Variants in FBXL4 observed in about 807,000 individuals in gnomAD.
FBXL4 encodes the protein F-box/LRR-repeat protein 4.
Under a neutral mutation model 58.9 loss-of-function variants are expected in FBXL4, and 40 were observed. The observed-to-expected ratio is 0.68, with a 90% CI of 0.53 to 0.88. The LOEUF (loss-of-function observed/expected upper bound fraction) is 0.88. Among genes scored for constraint, FBXL4 ranks in the 40% least tolerant of loss-of-function variants. The pLI is 0.00. For missense variants in FBXL4, 676 were observed against 734.4 expected (o/e 0.92, Z 0.92); for synonymous variants, 263 against 265.5 (o/e 0.99, Z 0.09).
chr6:98,901,354 G>C (rs1345191436), intron 6 of FBXL4, among the ~76,000 whole-genome samples: 3 of 151,996 alleles, frequency 2.0e-5, no homozygotes, highest in Non-Finnish European at 2.9e-5. Context: ...GAAGAACAGT[G>C]AGACGGGGGA....
At chr6:98,934,720 TC>T (rs1014487730) in intron 2 of FBXL4, 41 bp downstream of exon 2, 77 of 152,278 alleles carry the variant, frequency 5.1e-4, no homozygotes, top group African/African-American at 1.7e-3. Flanking sequence ...TATTTTTTAA[TC>T]AGTAAGGCCC....
At chr6:98,935,649 C>T (rs567076095) in intron 1 of FBXL4, among the ~76,000 whole-genome samples, 14 of 150,986 alleles carry the variant, frequency 9.3e-5, no homozygotes, top group East Asian at 7.8e-4. Flanking sequence ...ATTAGCCGGG[C>T]GCGGTGGCGG....
At position 98,932,044 on chromosome 6, in the gene FBXL4, T is replaced by C. The variant is rs547239462; in HGVS notation, c.-191+2718A>G. On this transcript the variant is annotated intron_variant, in intron 2 of 9. Coordinates refer to ENST00000369244, the MANE Select transcript of FBXL4 (RefSeq NM_001278716.2). The stretch of plus-strand genomic sequence containing the variant: ...CAAAGATAAAATTATTTTTCCCACC[T>C]GGTGCAAATAAATAAATATTAGTCA... 7.0e-4 allele frequency among the ~76,000 whole-genome samples: 107 copies of C among 152,238 alleles called. 3 individuals carry two copies. The highest frequency in any genetic ancestry group is 5.7e-4 in the Non-Finnish European group (39 of 68,044).
intron 5 of FBXL4, among the ~76,000 whole-genome samples, chr6:98,909,479 T>C (rs771039060): frequency 6.6e-6 from 1 of 152,210 alleles, no homozygotes; most frequent in South Asian, 2.1e-4. Flanking sequence ...TTGTACCTTC[T>C]CTTCCCTTTG....
At chr6:98,889,385 GACT>G (rs1012431060) in intron 7 of FBXL4, among the ~76,000 whole-genome samples, 4 of 152,004 alleles carry the variant, frequency 2.6e-5, no homozygotes, top group Admixed American at 6.6e-5. Context: ...CAAATACTCA[GACT>G]ACTACAATGA....
chr6:98,868,809 T>C lies in FBXL4; in HGVS notation c.*5469A>G, dbSNP rs1162201277. On this transcript the variant is annotated 3_prime_UTR_variant, in exon 10 of 10. Transcript: ENST00000369244. ...CCAAATACATAGATTAAAATATCCC[T>C]AAATGTCAATTTTAGCAGGACTACC... 1.3e-5 allele frequency: 2 copies of C among 152,218 alleles called. No individual in the cohort carries two copies. The highest frequency in any genetic ancestry group is 4.8e-5 in the African/African-American group (2 of 41,458). 9.4% of individuals were successfully genotyped at this position (152,218 alleles called of 1,614,324 possible). A position where few individuals can be genotyped will look rare whatever the true frequency, so the allele number is the denominator to read the frequency against.
rs1003173949 is a variant in FBXL4 at position 98,944,184 on chromosome 6, T to G, written c.-309+3622A>C. On this transcript the variant is annotated intron_variant, in intron 1 of 9. Coordinates refer to ENST00000369244, the MANE Select transcript of FBXL4 (RefSeq NM_001278716.2). ...TGTACAAAGAGTATTTTAATAATCT[T>G]CCGGTGGAAACCCAGAGGCCGTAAA... 2.0e-5 allele frequency among the ~76,000 whole-genome samples: 3 copies of G among 152,206 alleles called. 1 individual carries two copies. Among genetic ancestry groups the G allele is most frequent in the Non-Finnish European group, 4.4e-5 (3 of 68,042 alleles).
rs757547669 is a variant in FBXL4, at chr6:98,870,534, ACTG to A, written c.*3741_*3743del. 2.0e-5 allele frequency: 3 copies of A among 152,196 alleles called. No individual in the cohort carries two copies. The highest frequency in any genetic ancestry group is 1.9e-4 in the East Asian group (1 of 5,192). The allele number at this position is 152,196 out of a possible 1,614,324, so 9.4% of individuals were successfully genotyped here. On this transcript the variant is annotated 3_prime_UTR_variant, in exon 10 of 10. Coordinates refer to ENST00000369244, the MANE Select transcript of FBXL4 (RefSeq NM_001278716.2). ...TTATGTGGTGCTGTCATCATTTTGCACTGCTACTTGGCACACTAAAAACTGCAG... is the reference window on the plus strand; with the variant it reads ...TTATGTGGTGCTGTCATCATTTTGCACTACTTGGCACACTAAAAACTGCAG...
At chr6:98,941,513 T>C (rs1283109775) in intron 1 of FBXL4, among the ~76,000 whole-genome samples, 1 of 152,174 alleles carries the variant, frequency 6.6e-6, no homozygotes, top group Admixed American at 6.5e-5. Context: ...CAAGTCAAGC[T>C]GTAAATCCGA....
intron 1 of FBXL4, among the ~76,000 whole-genome samples, chr6:98,943,357 G>C (rs549873802): frequency 2.6e-5 from 4 of 151,740 alleles, no homozygotes; most frequent in African/African-American, 9.7e-5. Context: ...TGGATCACTT[G>C]AGCCCAGGAG....
intron 1 of FBXL4, among the ~76,000 whole-genome samples, chr6:98,940,110 A>G (rs975478603): frequency 2.0e-5 from 3 of 152,192 alleles, no homozygotes; most frequent in Non-Finnish European, 4.4e-5. Flanking sequence ...AATTTTTTAT[A>G]ATATATATGT....
intron 7 of FBXL4, among the ~76,000 whole-genome samples, chr6:98,893,506 T>C (rs1456263136): frequency 6.6e-6 from 1 of 152,202 alleles, no homozygotes; most frequent in East Asian, 1.9e-4. Flanking sequence ...AATGACCTCA[T>C]TTAACCTTAA....
chr6:98,882,455 T>C (rs1047158089), intron 7 of FBXL4, among the ~76,000 whole-genome samples: 1 of 152,078 alleles, frequency 6.6e-6, no homozygotes, highest in Non-Finnish European at 1.5e-5. Flanking sequence ...ATCTTCTTCA[T>C]CAGTGTGAGG....
chr6:98,937,492 T>C (rs766384677), intron 1 of FBXL4, among the ~76,000 whole-genome samples: 14 of 152,138 alleles, frequency 9.2e-5, no homozygotes, highest in East Asian at 1.9e-4. Context: ...AGAAAATATA[T>C]TGACTACTCA....
At chr6:98,880,438 T>C (rs1187253127) in intron 8 of FBXL4, 115 bp downstream of exon 8, 4 of 791,806 alleles carry the variant, frequency 5.1e-6, no homozygotes, top group Non-Finnish European at 8.4e-6. Flanking sequence ...AAGAGAACCA[T>C]AAATCTGAAA....
chr6:98,931,230 CA>C (rs1319558254), intron 2 of FBXL4, among the ~76,000 whole-genome samples: 3 of 152,216 alleles, frequency 2.0e-5, no homozygotes, highest in Non-Finnish European at 4.4e-5. Context: ...TTCTGTTTGA[CA>C]TACCAAGCTA....
intron 1 of FBXL4, among the ~76,000 whole-genome samples, chr6:98,945,439 A>G (rs1294629084): frequency 6.6e-6 from 1 of 152,184 alleles, no homozygotes; most frequent in Non-Finnish European, 1.5e-5. Flanking sequence ...AGACTTAAAT[A>G]TATTTATTTT....
At chr6:98,879,304 T>G (rs773777845) in intron 8 of FBXL4, among the ~76,000 whole-genome samples, 19 of 152,170 alleles carry the variant, frequency 1.2e-4, no homozygotes, top group Non-Finnish European at 2.2e-4. Context: ...ACTAAGTGAA[T>G]GCAAGGCAGA....
At chr6:98,899,608 T>G in intron 6 of FBXL4, 127 bp from the exon 7 acceptor site, 1 of 1,167,570 alleles carries the variant, frequency 8.6e-7, no homozygotes, top group South Asian at 1.8e-5. Flanking sequence ...AAATGTAAAA[T>G]TTGTTTTGCT....
Sources: gnomAD v4.1 joint callset for allele counts (sites outside exome capture counted in the v4.1 genomes callset) on GRCh38, gnomAD v4.1.1 for gene constraint, MANE v1.5 for transcripts, NCBI Gene and HGNC (gene_info 2026-07-23, HGNC 2026-07-21) for gene names.